HS3ST4: variants seen among roughly 807,000 people sequenced by gnomAD.
HS3ST4 encodes the protein heparan sulfate glucosamine 3-O-sulfotransferase 4.
A neutral mutation model predicts 29.2 loss-of-function variants in HS3ST4; 17 were observed. That is an observed-to-expected ratio of 0.58 (90% CI 0.40 to 0.87). The LOEUF is 0.87. Among genes scored for constraint, HS3ST4 ranks in the 40% least tolerant of loss-of-function variants. The pLI is 0.00. For missense variants in HS3ST4, 627 were observed against 634.5 expected (o/e 0.99, Z 0.13); for synonymous variants, 314 against 285.7 (o/e 1.10, Z -1.00).
chr16:26,041,752 C>G (rs1404751824), intron 1 of HS3ST4, among the ~76,000 whole-genome samples: 2 of 152,204 alleles, frequency 1.3e-5, no homozygotes, highest in African/African-American at 4.8e-5. Flanking sequence ...GGCCCATGGA[C>G]TGCAATATTG....
chr16:25,949,062 T>TA (rs397698930), intron 1 of HS3ST4, among the ~76,000 whole-genome samples: 2 of 151,698 alleles, frequency 1.3e-5, no homozygotes, highest in East Asian at 1.9e-4. Context: ...TTTTTTTTTT[T>TA]AAAGTATTTT....
At chr16:25,926,965 G>A (rs1968409900) in intron 1 of HS3ST4, among the ~76,000 whole-genome samples, 1 of 152,074 alleles carries the variant, frequency 6.6e-6, no homozygotes, top group African/African-American at 2.4e-5. Context: ...ATACTTTAAG[G>A]TCAGGAGAAT....
chr16:25,889,050 T>C (rs1238393800), intron 1 of HS3ST4, among the ~76,000 whole-genome samples: 2 of 152,190 alleles, frequency 1.3e-5, no homozygotes, highest in Non-Finnish European at 2.9e-5. Flanking sequence ...GCTATAACCT[T>C]GAGCTACAGG....
intron 1 of HS3ST4, among the ~76,000 whole-genome samples, chr16:26,065,384 A>G (rs993124121): frequency 2.0e-5 from 3 of 152,254 alleles, no homozygotes; most frequent in African/African-American, 7.2e-5. Context: ...AGAAAACCAA[A>G]TACCATATGT....
intron 1 of HS3ST4, among the ~76,000 whole-genome samples, chr16:25,791,286 C>A (rs766551031): frequency 6.6e-6 from 1 of 152,098 alleles, no homozygotes; most frequent in Non-Finnish European, 1.5e-5. Context: ...CATTTTAGTT[C>A]CTGTAGCTTT....
rs1339879823 is a variant in HS3ST4, at chr16:25,729,664, C to A, written c.734+36513C>A. 3.3e-5 allele frequency among the ~76,000 whole-genome samples: 5 copies of A among 152,184 alleles called. No homozygotes were observed. The East Asian group carries it at 9.6e-4, about 29-fold the overall frequency. ...TCCCTTCTTGTTGTCATGGGGACTT[C>A]TTTTCCCTGAGTTATTATATCTTGC... is the stretch of plus-strand genomic sequence containing the variant. On this transcript the variant is annotated intron_variant, in intron 1 of 1. Transcript: ENST00000331351.
chr16:26,033,532 G>GAAAAC (rs545408446), intron 1 of HS3ST4, among the ~76,000 whole-genome samples: 13 of 147,272 alleles, frequency 8.8e-5, no homozygotes, highest in East Asian at 4.0e-4. Flanking sequence ...AAAAAAAAAG[G>GAAAAC]AAAACAAAAC....
intron 1 of HS3ST4, among the ~76,000 whole-genome samples, chr16:25,967,858 C>T (rs113972453): frequency 0.084 from 12,844 of 152,118 alleles, 735 homozygotes; most frequent in Non-Finnish European, 0.12. Context: ...TGGATAGAGC[C>T]CTGGAGTCAG....
intron 1 of HS3ST4, among the ~76,000 whole-genome samples, chr16:25,741,418 G>A (rs567867379): frequency 6.7e-6 from 1 of 149,756 alleles, no homozygotes; most frequent in East Asian, 2.0e-4. Context: ...AGGCAATGGG[G>A]CCAGATTTTA....
chr16:26,071,208 G>A (rs1022693327), intron 1 of HS3ST4, among the ~76,000 whole-genome samples: 1 of 152,182 alleles, frequency 6.6e-6, no homozygotes, highest in African/African-American at 2.4e-5. Context: ...TGCGAGGAGG[G>A]AGCACATAAA....
chr16:25,721,542 A>C (rs1966496107), intron 1 of HS3ST4, among the ~76,000 whole-genome samples: 1 of 152,214 alleles, frequency 6.6e-6, no homozygotes, highest in Non-Finnish European at 1.5e-5. Flanking sequence ...CTTGGCAGGA[A>C]CATGTTTGCC....
chr16:25,969,414 C>G (rs1968874816), intron 1 of HS3ST4, among the ~76,000 whole-genome samples: 1 of 152,202 alleles, frequency 6.6e-6, no homozygotes, highest in South Asian at 2.1e-4. Flanking sequence ...CTATCCAGCG[C>G]TGCTGGTGGC....
chr16:25,948,699 T>C (rs1391023794), intron 1 of HS3ST4, among the ~76,000 whole-genome samples: 1 of 152,200 alleles, frequency 6.6e-6, no homozygotes, highest in Non-Finnish European at 1.5e-5. Context: ...TAAATGCCAC[T>C]ATCACCTAGT....
intron 1 of HS3ST4, among the ~76,000 whole-genome samples, chr16:25,959,809 T>G (rs1204644937): frequency 1.3e-5 from 2 of 152,000 alleles, no homozygotes; most frequent in African/African-American, 4.8e-5. Flanking sequence ...AATGAGTGAG[T>G]TCTTGCTGTA....
intron 1 of HS3ST4, among the ~76,000 whole-genome samples, chr16:25,890,514 C>A (rs1411241931): frequency 2.0e-5 from 3 of 152,184 alleles, no homozygotes; most frequent in African/African-American, 7.2e-5. Flanking sequence ...GTATTGATGA[C>A]ATGAATGTGT....
intron 1 of HS3ST4, among the ~76,000 whole-genome samples, chr16:26,102,448 C>T (rs550146714): frequency 6.6e-6 from 1 of 152,322 alleles, no homozygotes; most frequent in African/African-American, 2.4e-5. Context: ...ACAACCACCA[C>T]TGTTTCTATT....
chr16:26,047,756 A>G (rs1431058142), intron 1 of HS3ST4, among the ~76,000 whole-genome samples: 1 of 152,122 alleles, frequency 6.6e-6, no homozygotes, highest in Non-Finnish European at 1.5e-5. Flanking sequence ...CATTTGCTGA[A>G]CTCCTTTTAT....
intron 1 of HS3ST4, among the ~76,000 whole-genome samples, chr16:25,882,872 T>C (rs1967908573): frequency 6.6e-6 from 1 of 152,146 alleles, no homozygotes; most frequent in Admixed American, 6.5e-5. Context: ...AACTCGCTTC[T>C]TCCTGCAGAT....
At chr16:25,760,980 G>A (rs1966785441) in intron 1 of HS3ST4, among the ~76,000 whole-genome samples, 1 of 152,170 alleles carries the variant, frequency 6.6e-6, no homozygotes, top group Non-Finnish European at 1.5e-5. Context: ...GGGCCAGGGT[G>A]TGTAGCAAAT....
Sources: allele counts gnomAD v4.1 joint callset (sites outside exome capture counted in the v4.1 genomes callset), GRCh38; gene constraint gnomAD v4.1.1; transcripts MANE v1.5; gene names NCBI Gene and HGNC (gene_info 2026-07-23, HGNC 2026-07-21).